The following KBTBD12 variants were observed in gnomAD, a reference collection of about 807,000 sequenced individuals.
KBTBD12 encodes the protein kelch repeat and BTB domain containing 12.
In KBTBD12, 53 loss-of-function variants were observed where a neutral mutation model predicts 58.7. The ratio of observed to expected loss-of-function variants is 0.90; its 90% CI spans 0.72 to 1.14. The LOEUF (loss-of-function observed/expected upper bound fraction) is 1.14. KBTBD12 is among the 50% of genes most tolerant of loss of function. The pLI, the probability that KBTBD12 is intolerant of heterozygous loss-of-function variation, is 0.00. For synonymous variants in KBTBD12, 236 were observed against 259.8 expected, an observed-to-expected ratio of 0.91 and a Z score of 0.88; for missense variants, 704 against 751.3, an observed-to-expected ratio of 0.94 and a Z score of 0.74.
intron 4 of KBTBD12, among the ~76,000 whole-genome samples, chr3:127,933,501 A>C (rs1939756371): frequency 6.6e-6 from 1 of 152,192 alleles, no homozygotes; most frequent in South Asian, 2.1e-4. Context: ...GAAATCAGAA[A>C]GTCACAGAGA....
chr3:127,968,586 A>G (rs966310786), intron 5 of KBTBD12, among the ~76,000 whole-genome samples: 1 of 152,216 alleles, frequency 6.6e-6, no homozygotes, highest in Non-Finnish European at 1.5e-5. Context: ...TATCCCAGAA[A>G]TGAAAAGTTG....
chr3:127,936,948 G>A (rs1939842581), intron 4 of KBTBD12, among the ~76,000 whole-genome samples: 1 of 151,990 alleles, frequency 6.6e-6, no homozygotes, highest in African/African-American at 2.4e-5. Flanking sequence ...ACCCAAGTGG[G>A]AAAAAAGAAA....
At position 127,963,186 on chromosome 3, in the gene KBTBD12, C is replaced by A; in HGVS notation, c.1493-3C>A. 1 of 1,593,940 alleles carries A rather than the reference C, an allele frequency of 6.3e-7. No individual in the cohort carries two copies. Among genetic ancestry groups the A allele is most frequent in the Non-Finnish European group, 8.6e-7 (1 of 1,169,110 alleles). ...TCTCATTTCTCCACATAATTCTCTG[C>A]AGGTGGCATTGGCTGTGTAGGTCAA... On this transcript the variant is annotated splice_region_variant and splice_polypyrimidine_tract_variant and intron_variant, in intron 4 of 5. Coordinates refer to ENST00000405109, the MANE Select transcript of KBTBD12 (RefSeq NM_207335.4).
At chr3:127,944,242 G>A (rs913742052) in intron 4 of KBTBD12, among the ~76,000 whole-genome samples, 1 of 151,934 alleles carries the variant, frequency 6.6e-6, no homozygotes, top group East Asian at 1.9e-4. Context: ...AATTTTGATG[G>A]GGATTGTGTT....
At chr3:127,933,332 T>C (rs1421333665) in intron 4 of KBTBD12, among the ~76,000 whole-genome samples, 1 of 152,112 alleles carries the variant, frequency 6.6e-6, no homozygotes, top group Non-Finnish European at 1.5e-5. Flanking sequence ...AGCTTTTTTT[T>C]GCCAAAGGGG....
intron 1 of KBTBD12, among the ~76,000 whole-genome samples, chr3:127,917,332 TA>T (rs1168904351): frequency 2.6e-5 from 4 of 152,172 alleles, no homozygotes; most frequent in Non-Finnish European, 5.9e-5. Context: ...CTATAAAGGA[TA>T]TTAACAAGGA....
At chr3:127,965,171 G>A (rs1018268662) in intron 5 of KBTBD12, among the ~76,000 whole-genome samples, 4 of 152,224 alleles carry the variant, frequency 2.6e-5, no homozygotes, top group African/African-American at 7.2e-5. Flanking sequence ...GGATCTAGAA[G>A]ACATTCTGTT....
At chr3:127,918,400 A>G in intron 1 of KBTBD12, among the ~76,000 whole-genome samples, 1 of 152,156 alleles carries the variant, frequency 6.6e-6, no homozygotes, top group East Asian at 1.9e-4. Context: ...TCTGACACAG[A>G]TTTACACGTG....
At chr3:127,922,843 GAGTGA>G (rs1480755704) in intron 1 of KBTBD12, 102 bp from the exon 2 acceptor site, 2 of 406,882 alleles carry the variant, frequency 4.9e-6, no homozygotes, top group African/African-American at 4.0e-5. Flanking sequence ...GCTCTGCTTG[GAGTGA>G]ATAATATCTG....
At position 127,923,963 on chromosome 3, in the gene KBTBD12, A is replaced by G. The variant is rs199545261; in HGVS notation, c.902A>G (p.Tyr301Cys). 6.2e-7 allele frequency: 1 copy of G among 1,613,784 alleles called. No individual in the cohort carries two copies. The highest frequency in any genetic ancestry group is 8.5e-7 in the Non-Finnish European group (1 of 1,179,830). The change falls in exon 2 of 6, where the codon TAT becomes TGT. Residue 301 changes from tyrosine to cysteine, a missense_variant. Tyr to Cys is a radical substitution (Grantham distance 194). Transcript: ENST00000405109. The stretch of plus-strand genomic sequence containing the variant: ...AGCTATGGGGATGCCAGTTTTTGTT[A>G]TGATCCTGTATCACGGAAAACCTAT... ...HRSYGDASFC[Y>C]DPVSRKTYFI...
At position 127,924,100 on chromosome 3, in the gene KBTBD12, A is replaced by G. The variant is rs758081541; in HGVS notation, c.1039A>G (p.Arg347Gly). The stretch of plus-strand genomic sequence containing the variant: ...AGAAGCAAGTGCCTCTAAACTCTCT[A>G]GACAAAAGAACAAGAATGTTGAAAT... ...AGEASASKLS[R>G]QKNKNVEIYR... Residue 347 changes from arginine (R) to glycine (G), a missense_variant, in exon 2 of 6, where the codon AGA (arginine) becomes GGA (glycine). Physicochemically the swap from Arg to Gly is moderately radical, Grantham distance 125. Transcript: ENST00000405109. The G allele has an allele frequency of 6.2e-7, 1 of 1,611,242 alleles. No homozygotes were observed. The highest frequency in any genetic ancestry group is 1.7e-5 in the Admixed American group (1 of 59,766).
chr3:127,983,938 T>C (rs1280416928), intron 5 of KBTBD12, among the ~76,000 whole-genome samples, 159 bp from the exon 6 acceptor site: 1 of 152,174 alleles, frequency 6.6e-6, no homozygotes, highest in Non-Finnish European at 1.5e-5. Flanking sequence ...AGTAAATGTC[T>C]TTTCTTGATA....
chr3:127,959,796 CA>C (rs1940394378), intron 4 of KBTBD12, among the ~76,000 whole-genome samples: 1 of 152,226 alleles, frequency 6.6e-6, no homozygotes, highest in African/African-American at 2.4e-5. Flanking sequence ...GAATTGCTGT[CA>C]TTATCCTTAA....
rs563597508 is a variant in KBTBD12, at chr3:127,968,583, G to T, written c.1690+5197G>T. Among the ~76,000 whole-genome samples, 3 of 152,294 alleles carry T rather than the reference G, an allele frequency of 2.0e-5. No homozygotes were observed. In the South Asian group the frequency reaches 6.2e-4, roughly 32 times the overall value. Reference sequence around the variant, plus strand: ...CCGTGTTCGAGAAGGATTTATCCCAGAAATGAAAAGTTGGCTTACCATTTG... The same window carrying T: ...CCGTGTTCGAGAAGGATTTATCCCATAAATGAAAAGTTGGCTTACCATTTG... On this transcript the variant is annotated intron_variant, in intron 5 of 5. Transcript: ENST00000405109.
intron 4 of KBTBD12, among the ~76,000 whole-genome samples, chr3:127,951,626 C>A (rs1000808615): frequency 6.6e-6 from 1 of 152,182 alleles, no homozygotes; most frequent in Non-Finnish European, 1.5e-5. Flanking sequence ...TTAGTCTTTT[C>A]TCAGGAGCAT....
At chr3:127,934,028 G>A (rs1287917791) in intron 4 of KBTBD12, among the ~76,000 whole-genome samples, 1 of 151,980 alleles carries the variant, frequency 6.6e-6, no homozygotes, top group Non-Finnish European at 1.5e-5. Flanking sequence ...CACAACACAA[G>A]CAAAGGAAAA....
At chr3:127,940,358 C>T (rs993184455) in intron 4 of KBTBD12, among the ~76,000 whole-genome samples, 3 of 152,016 alleles carry the variant, frequency 2.0e-5, no homozygotes, top group African/African-American at 7.2e-5. Context: ...CAAACCTTAA[C>T]AAAATTTAAG....
Position 127,971,059 on chromosome 3 carries a change from C to T in KBTBD12, c.1690+7673C>T, listed in dbSNP as rs143709515. Among the ~76,000 whole-genome samples, 14 of 152,178 alleles carry T rather than the reference C, an allele frequency of 9.2e-5. No homozygotes were observed. The East Asian group carries it at 2.3e-3, about 25-fold the overall frequency. On this transcript the variant is annotated intron_variant, in intron 5 of 5. Transcript: ENST00000405109. ...ATGAGGAGAATTAAGCTGAACTGCCCATGGTGAGGGTGCTTAGAGGCAGGT... is the reference window on the plus strand; with the variant it reads ...ATGAGGAGAATTAAGCTGAACTGCCTATGGTGAGGGTGCTTAGAGGCAGGT...
intron 4 of KBTBD12, among the ~76,000 whole-genome samples, chr3:127,940,607 G>A (rs1939929349): frequency 6.6e-6 from 1 of 152,096 alleles, no homozygotes; most frequent in Admixed American, 6.5e-5. Context: ...TTAAGTGCTT[G>A]TATTAGAAAA....
Sources: allele counts gnomAD v4.1 joint callset (sites outside exome capture counted in the v4.1 genomes callset), GRCh38; gene constraint gnomAD v4.1.1; transcripts MANE v1.5; gene names NCBI Gene and HGNC (gene_info 2026-07-23, HGNC 2026-07-21).